GRID1: variants seen among roughly 807,000 people sequenced by gnomAD.
GRID1 encodes the protein glutamate ionotropic receptor delta type subunit 1, also known as glutamate receptor ionotropic, delta-1.
In GRID1, 28 loss-of-function variants were observed where a neutral mutation model predicts 98.0. That is an observed-to-expected ratio of 0.29 (90% CI 0.21 to 0.39). The LOEUF is 0.39. Among genes scored for constraint, GRID1 ranks in the 10% least tolerant of loss-of-function variants. GRID1 has a pLI of 1.00. For synonymous variants in GRID1, 553 were observed against 538.5 expected (o/e 1.03, Z -0.37); for missense variants, 1,111 against 1,340.5 (o/e 0.83, Z 2.67).
At chr10:85,647,813 C>G (rs1010042075) in intron 12 of GRID1, 1 of 159,214 alleles carries the variant, frequency 6.3e-6, no homozygotes, top group Non-Finnish European at 1.4e-5. Flanking sequence ...CAGACGCCTG[C>G]AGAGGCTGGG....
chr10:86,013,876 T>A (rs1298361078), intron 4 of GRID1, among the ~76,000 whole-genome samples: 3 of 152,202 alleles, frequency 2.0e-5, no homozygotes, highest in Non-Finnish European at 4.4e-5. Flanking sequence ...TTAAGTTTTG[T>A]GGAAGCTCAG....
At chr10:86,215,014 T>C (rs975117422) in intron 2 of GRID1, among the ~76,000 whole-genome samples, 5 of 152,184 alleles carry the variant, frequency 3.3e-5, no homozygotes, top group African/African-American at 1.2e-4. Flanking sequence ...TCCCACAATT[T>C]GGAGAAAGGG....
intron 3 of GRID1, among the ~76,000 whole-genome samples, chr10:86,185,947 T>G (rs185096091): frequency 6.6e-6 from 1 of 152,356 alleles, no homozygotes; most frequent in Non-Finnish European, 1.5e-5. Context: ...AGTATAAGTT[T>G]GGAAGTATTC....
intron 4 of GRID1, among the ~76,000 whole-genome samples, chr10:85,981,310 A>G (rs983433936): frequency 6.6e-6 from 1 of 152,200 alleles, no homozygotes; most frequent in African/African-American, 2.4e-5. Flanking sequence ...GTTTTGCTCT[A>G]TTTTATGCCT....
intron 3 of GRID1, among the ~76,000 whole-genome samples, chr10:86,190,206 C>T (rs1845781499): frequency 2.0e-5 from 3 of 152,214 alleles, no homozygotes; most frequent in Non-Finnish European, 4.4e-5. Context: ...TCCTAACCGG[C>T]CCTCCAGAAT....
At chr10:86,272,369 C>T (rs550394423) in intron 2 of GRID1, among the ~76,000 whole-genome samples, 2 of 152,304 alleles carry the variant, frequency 1.3e-5, no homozygotes, top group Non-Finnish European at 2.9e-5. Flanking sequence ...AAAAAGGCAA[C>T]TTTAGGAAGG....
intron 4 of GRID1, among the ~76,000 whole-genome samples, chr10:86,028,899 T>C (rs537496816): frequency 1.2e-4 from 19 of 152,370 alleles, no homozygotes; most frequent in Non-Finnish European, 1.9e-4. Context: ...CCATGAATTC[T>C]GAAGGATGGG....
At chr10:85,642,405 T>A (rs1225527015) in intron 13 of GRID1, among the ~76,000 whole-genome samples, 1 of 152,154 alleles carries the variant, frequency 6.6e-6, no homozygotes, top group Non-Finnish European at 1.5e-5. Flanking sequence ...ATCTTCTCCC[T>A]TACAGAAGGT....
intron 4 of GRID1, among the ~76,000 whole-genome samples, chr10:86,135,727 C>T (rs1240393673): frequency 6.6e-6 from 1 of 151,958 alleles, no homozygotes; most frequent in Non-Finnish European, 1.5e-5. Flanking sequence ...CAGGCCCCGA[C>T]AGCAGAGCCC....
chr10:85,959,842 T>C lies in GRID1; in HGVS notation c.727-43603A>G, dbSNP rs191324870. Among the ~76,000 whole-genome samples the C allele has an allele frequency of 2.0e-3, 305 of 152,302 alleles. 1 individual carries two copies. The highest frequency in any genetic ancestry group is 3.4e-3 in the Non-Finnish European group (231 of 68,034). On this transcript the variant is annotated intron_variant, in intron 4 of 15. Coordinates refer to ENST00000327946, the MANE Select transcript of GRID1 (RefSeq NM_017551.3). ...CGATTAAAGCTGCGCTAAACATTCA[T>C]GTCCAAGTCATTGTGTGGATATATT...
At position 86,334,606 on chromosome 10, in the gene GRID1, A is replaced by G. The variant is rs1488773624; in HGVS notation, c.235+29335T>C. 5.3e-5 allele frequency among the ~76,000 whole-genome samples: 8 copies of G among 152,328 alleles called. No homozygotes were observed. In the South Asian group the frequency reaches 1.2e-3, roughly 24 times the overall value. ...TAAATGCCCTTCTTCTACTGTATGC[A>G]TAAGAAACTCCTACTCATCCTTCAA... On this transcript the variant is annotated intron_variant, in intron 2 of 15. Coordinates refer to ENST00000327946, the MANE Select transcript of GRID1 (RefSeq NM_017551.3).
intron 8 of GRID1, among the ~76,000 whole-genome samples, chr10:85,852,752 A>G (rs1181022189): frequency 2.0e-5 from 3 of 152,136 alleles, no homozygotes; most frequent in Non-Finnish European, 2.9e-5. Context: ...ACCCAGACCA[A>G]TGCTGACCAC....
intron 12 of GRID1, among the ~76,000 whole-genome samples, chr10:85,703,374 T>A (rs537871547): frequency 1.3e-5 from 2 of 152,068 alleles, no homozygotes; most frequent in Admixed American, 1.3e-4. Flanking sequence ...TAGAATTCAG[T>A]CTTAATTGTA....
rs184087798 is a variant in GRID1 at position 86,311,697 on chromosome 10, T to G, written c.235+52244A>C. The stretch of plus-strand genomic sequence containing the variant: ...CCAACCTGAGAGTTCAAAACTTAAC[T>G]CAAAAAACTACTGGCAGTTTAGGCA... On this transcript the variant is annotated intron_variant, in intron 2 of 15. Transcript: ENST00000327946. Among the ~76,000 whole-genome samples the G allele has an allele frequency of 2.3e-4, 35 of 152,240 alleles. No individual in the cohort carries two copies. In the East Asian group the frequency reaches 6.4e-3, roughly 28 times the overall value.
At position 85,668,529 on chromosome 10, in the gene GRID1, A is replaced by T. The variant is rs139579897; in HGVS notation, c.1998-21132T>A. ...GCTACTGTTTAAGGTGAGAGTTTGAACTAAGTTGTCAATAAGCTCACAAAC... is the reference window on the plus strand; with the variant it reads ...GCTACTGTTTAAGGTGAGAGTTTGATCTAAGTTGTCAATAAGCTCACAAAC... On this transcript the variant is annotated intron_variant, in intron 12 of 15. Transcript: ENST00000327946. Among the ~76,000 whole-genome samples, 370 of 152,302 alleles carry T rather than the reference A, an allele frequency of 2.4e-3. 2 individuals are homozygous for T. The highest frequency in any genetic ancestry group is 0.014 in the Middle Eastern group (4 of 294).
intron 4 of GRID1, among the ~76,000 whole-genome samples, chr10:86,124,229 T>G (rs1844718835): frequency 6.6e-6 from 1 of 152,136 alleles, no homozygotes; most frequent in African/African-American, 2.4e-5. Flanking sequence ...CTCCAGTGAC[T>G]TCCTATTCAA....
At chr10:85,899,732 A>G (rs1841352243) in intron 5 of GRID1, among the ~76,000 whole-genome samples, 1 of 152,116 alleles carries the variant, frequency 6.6e-6, no homozygotes, top group African/African-American at 2.4e-5. Context: ...AAACCTAAAC[A>G]TGGGGAGGCA....
chr10:86,127,416 T>C (rs775551881), intron 4 of GRID1, among the ~76,000 whole-genome samples: 27 of 152,186 alleles, frequency 1.8e-4, no homozygotes, highest in Non-Finnish European at 3.7e-4. Flanking sequence ...CTAGCACTCC[T>C]GAGAAGCCAC....
At chr10:85,738,223 G>C (rs1327151950) in intron 8 of GRID1, among the ~76,000 whole-genome samples, 2 of 152,154 alleles carry the variant, frequency 1.3e-5, no homozygotes, top group Non-Finnish European at 2.9e-5. Flanking sequence ...TAAAAATACA[G>C]AAAGGACTTA....
Sources: gnomAD v4.1 joint callset for allele counts (sites outside exome capture counted in the v4.1 genomes callset) on GRCh38, gnomAD v4.1.1 for gene constraint, MANE v1.5 for transcripts, NCBI Gene and HGNC (gene_info 2026-07-23, HGNC 2026-07-21) for gene names.